Variants in ECPAS observed in about 807,000 individuals in gnomAD.
ECPAS encodes the protein Ecm29 proteasome adaptor and scaffold.
In ECPAS, 70 loss-of-function variants were observed where a neutral mutation model predicts 255.1. The observed-to-expected ratio is 0.27, with a 90% CI of 0.23 to 0.33. ECPAS has a LOEUF of 0.33. ECPAS is among the 10% of genes least tolerant of loss of function. The pLI, the probability that ECPAS is intolerant of heterozygous loss-of-function variation, is 1.00. For synonymous variants in ECPAS, 784 were observed against 775.0 expected (o/e 1.01, Z -0.19); for missense variants, 1,817 against 2,206.4 (o/e 0.82, Z 3.54).
At chr9:111,398,425 T>C (rs780586316) in intron 24 of ECPAS, among the ~76,000 whole-genome samples, 8 of 152,218 alleles carry the variant, frequency 5.3e-5, no homozygotes, top group Non-Finnish European at 1.2e-4. Flanking sequence ...TTATGAATAA[T>C]ATACTATCTG....
intron 25 of ECPAS, among the ~76,000 whole-genome samples, chr9:111,396,500 C>A (rs2098167881): frequency 6.6e-6 from 1 of 152,128 alleles, no homozygotes; most frequent in African/African-American, 2.4e-5. Flanking sequence ...AAGCTGACTC[C>A]CCTGCTTGCT....
At chr9:111,383,186 A>G (rs2098142803) in intron 35 of ECPAS, 25 bp downstream of exon 35, 2 of 1,611,656 alleles carry the variant, frequency 1.2e-6, no homozygotes, top group African/African-American at 1.3e-5. Flanking sequence ...AATCCAATAC[A>G]TTCATTTCAT....
chr9:111,433,510 C>T (rs2098233140), intron 7 of ECPAS, 138 bp from the exon 8 acceptor site: 1 of 763,744 alleles, frequency 1.3e-6, no homozygotes, highest in Non-Finnish European at 2.2e-6. Context: ...CTTAGGCTTA[C>T]AATGTGCCGG....
At chr9:111,456,919 G>A (rs2098267630) in intron 2 of ECPAS, among the ~76,000 whole-genome samples, 1 of 152,144 alleles carries the variant, frequency 6.6e-6, no homozygotes, top group South Asian at 2.1e-4. Context: ...AATAACAGAA[G>A]GCCTAGGACA....
At position 111,376,459 on chromosome 9, in the gene ECPAS, T is replaced by C; in HGVS notation, c.4020+17A>G. 2 of 1,568,002 alleles carry C rather than the reference T, an allele frequency of 1.3e-6. No homozygotes were observed. The highest frequency in any genetic ancestry group is 1.7e-6 in the Non-Finnish European group (2 of 1,151,986). On this transcript the variant is annotated intron_variant, in intron 37 of 49. Transcript: ENST00000684092. ...GGTAAGCAAACAAACCCTCTCATTA[T>C]TATTTAAGACACTCACCATGTTGAT...
At chr9:111,427,146 G>T (rs562039326) in intron 10 of ECPAS, among the ~76,000 whole-genome samples, 3 of 134,870 alleles carry the variant, frequency 2.2e-5, no homozygotes, top group East Asian at 2.1e-4. Flanking sequence ...GCAACACAGT[G>T]AGACCCTGTC....
intron 6 of ECPAS, among the ~76,000 whole-genome samples, chr9:111,437,818 T>A (rs2098240311): frequency 6.6e-6 from 1 of 152,166 alleles, no homozygotes; most frequent in Non-Finnish European, 1.5e-5. Flanking sequence ...AAGAAATTCA[T>A]TTTGATCCAA....
intron 4 of ECPAS, among the ~76,000 whole-genome samples, chr9:111,443,733 G>C (rs1359964054): frequency 1.3e-5 from 2 of 152,064 alleles, no homozygotes; most frequent in Non-Finnish European, 2.9e-5. Context: ...GGCTCCAAAA[G>C]GTTTGTGACT....
chr9:111,451,681 C>A, intron 2 of ECPAS, 126 bp from the exon 3 acceptor site: 1 of 807,684 alleles, frequency 1.2e-6, no homozygotes, highest in South Asian at 2.2e-5. Context: ...CCACAGCTAG[C>A]CCTATACAGA....
At chr9:111,419,194 C>G (rs1011147550) in intron 16 of ECPAS, among the ~76,000 whole-genome samples, 3 of 152,108 alleles carry the variant, frequency 2.0e-5, no homozygotes, top group African/African-American at 7.2e-5. Flanking sequence ...TCACAGAATG[C>G]ATAATTTTAT....
chr9:111,424,328 ATTAT>A (rs1198205896), intron 12 of ECPAS, among the ~76,000 whole-genome samples: 1 of 152,224 alleles, frequency 6.6e-6, no homozygotes, highest in Non-Finnish European at 1.5e-5. Context: ...ATCAAGCAGT[ATTAT>A]TTTCATTTTT....
chr9:111,437,027 T>C lies in ECPAS; in HGVS notation c.621A>G (p.Gly207=). Residue 207 remains glycine (G), a synonymous_variant, in exon 7 of 50, where the codon GGA becomes GGG. Transcript: ENST00000684092. ...GSSSNSGGGS[G]IPQPPPGMSF... ...TCATTCCCGGAGGAGGCTGTGGGAT[T>C]CCAGAACCTCCGCCACTGTTTGAAG... 6.2e-7 allele frequency: 1 copy of C among 1,613,254 alleles called. No individual in the cohort carries two copies. The highest frequency in any genetic ancestry group is 2.2e-5 in the East Asian group (1 of 44,812).
intron 1 of ECPAS, among the ~76,000 whole-genome samples, chr9:111,478,772 T>C (rs1175741600): frequency 5.9e-5 from 9 of 152,194 alleles, no homozygotes; most frequent in African/African-American, 2.2e-4. Context: ...TGATATTACT[T>C]TAGTATTATC....
At chr9:111,472,709 T>A (rs2098290356) in intron 2 of ECPAS, among the ~76,000 whole-genome samples, 188 bp downstream of exon 2, 1 of 151,906 alleles carries the variant, frequency 6.6e-6, no homozygotes, top group East Asian at 1.9e-4. Context: ...ATGTTTAGCA[T>A]TACAGAGAAT....
In ECPAS at chr9:111,362,186, AAAC is replaced by A. The variant is rs769030318; in HGVS notation, c.5381-20_5381-18del. 2 of 1,537,774 alleles carry A rather than the reference AAAC, an allele frequency of 1.3e-6. No homozygotes were observed. Among genetic ancestry groups the A allele is most frequent in the African/African-American group, 1.4e-5 (1 of 70,262 alleles). ...GTTTAGATTCTGCATGAAAAAAAAA[AAAC>A]AAAAACAAAAAAAACAAAAAACAAA... On this transcript the variant is annotated intron_variant, in intron 49 of 49. Coordinates refer to ENST00000684092, the MANE Select transcript of ECPAS (RefSeq NM_001364929.1).
At chr9:111,439,256 C>T (rs2098242464) in intron 6 of ECPAS, among the ~76,000 whole-genome samples, 1 of 151,980 alleles carries the variant, frequency 6.6e-6, no homozygotes, top group Non-Finnish European at 1.5e-5. Flanking sequence ...GTTTGGGATG[C>T]TTTTTTCTTT....
chr9:111,447,601 A>C (rs1184939264), intron 3 of ECPAS, among the ~76,000 whole-genome samples: 1 of 152,232 alleles, frequency 6.6e-6, no homozygotes, highest in Non-Finnish European at 1.5e-5. Context: ...AAATGAAAAG[A>C]TAAGTCAAAG....
At chr9:111,415,035 G>A (rs549808039) in intron 18 of ECPAS, among the ~76,000 whole-genome samples, 2 of 152,110 alleles carry the variant, frequency 1.3e-5, no homozygotes, top group Non-Finnish European at 2.9e-5. Context: ...TATACTTGAG[G>A]AGAGAGGGTG....
chr9:111,425,551 CTTTA>C, intron 11 of ECPAS, 55 bp from the exon 12 acceptor site: 1 of 1,248,752 alleles, frequency 8.0e-7, no homozygotes, highest in South Asian at 1.4e-5. Flanking sequence ...GACTACATAT[CTTTA>C]CGGATGATTA....
Sources: allele counts gnomAD v4.1 joint callset (sites outside exome capture counted in the v4.1 genomes callset), GRCh38; gene constraint gnomAD v4.1.1; transcripts MANE v1.5; gene names NCBI Gene and HGNC (gene_info 2026-07-23, HGNC 2026-07-21).